PTGFRN: variants seen among roughly 807,000 people sequenced by gnomAD.
PTGFRN encodes prostaglandin F2 receptor inhibitor, also known as prostaglandin F2 receptor negative regulator.
PTGFRN carries 35 observed loss-of-function variants against 83.2 expected under a neutral mutation model. That is an observed-to-expected ratio of 0.42 (90% confidence interval 0.32 to 0.56). The LOEUF (loss-of-function observed/expected upper bound fraction) is 0.56, where lower values mean the gene tolerates loss of function less well. Ranked by LOEUF, PTGFRN falls within the 20% of genes least tolerant of loss-of-function variation. The pLI is 0.11. For synonymous variants in PTGFRN, 519 were observed against 498.6 expected, an observed-to-expected ratio of 1.04 and a Z score of -0.55; for missense variants, 1,051 against 1,179.5, an observed-to-expected ratio of 0.89 and a Z score of 1.60.
intron 2 of PTGFRN, among the ~76,000 whole-genome samples, chr1:116,944,053 TC>T (rs1408342475): frequency 6.6e-6 from 1 of 152,218 alleles, no homozygotes; most frequent in Non-Finnish European, 1.5e-5. Flanking sequence ...CTGGGCCTGT[TC>T]CTATCATGTG....
At position 116,941,985 on chromosome 1, in the gene PTGFRN, A is replaced by G; in HGVS notation, c.320A>G (p.Lys107Arg). The change falls in exon 2 of 9, where the codon AAG (lysine) becomes AGG (arginine). Residue 107 changes from lysine (K) to arginine (R), a missense_variant. Around this residue, in one of 3 missense-constraint regions of PTGFRN, gnomAD observed 127 missense variants for 168.4 expected, o/e 0.75. Transcript: ENST00000393203. The surrounding 1 kb of genome is among the most constrained non-coding windows in gnomAD (Gnocchi z 5.0). ...TANDAVELHI[K>R]NVQPSDQGHY... ...AACGACGCCGTGGAGCTCCACATAA[A>G]GAACGTCCAGCCTTCAGACCAAGGC... 6.2e-7 allele frequency: 1 copy of G among 1,614,218 alleles called. No homozygotes were observed. Among genetic ancestry groups the G allele is most frequent in the Non-Finnish European group, 8.5e-7 (1 of 1,180,044 alleles).
intron 7 of PTGFRN, among the ~76,000 whole-genome samples, chr1:116,982,725 A>T (rs935506085): frequency 1.6e-4 from 25 of 152,188 alleles, no homozygotes; most frequent in African/African-American, 6.0e-4. Flanking sequence ...TGTACTGCAG[A>T]GTAGGCCCAC....
chr1:116,947,256 G>T (rs530392805), intron 3 of PTGFRN, among the ~76,000 whole-genome samples: 3 of 152,312 alleles, frequency 2.0e-5, no homozygotes, highest in Admixed American at 2.0e-4. Context: ...GTGGCAGGGA[G>T]CCTCCTCCCC....
chr1:116,973,582 G>A (rs1220115184), intron 6 of PTGFRN, among the ~76,000 whole-genome samples: 2 of 148,146 alleles, frequency 1.4e-5, no homozygotes, highest in African/African-American at 2.5e-5. Context: ...TCCAGCCTGC[G>A]TGACAGAGCA....
At chr1:116,986,745 C>T in intron 8 of PTGFRN, 56 bp from the exon 9 acceptor site, 1 of 1,565,672 alleles carries the variant, frequency 6.4e-7, no homozygotes, top group South Asian at 1.1e-5. Flanking sequence ...AGGGTGCCCC[C>T]AAAGCGGCCT....
chr1:116,981,166 AC>A (rs1382515840), intron 7 of PTGFRN, among the ~76,000 whole-genome samples: 2 of 152,038 alleles, frequency 1.3e-5, no homozygotes, highest in East Asian at 3.9e-4. Flanking sequence ...TCACTCTTTG[AC>A]CCTTAAGACT....
Position 116,961,755 on chromosome 1 carries a change from G to T in PTGFRN, c.1639+87G>T. 1.3e-5 allele frequency: 16 copies of T among 1,263,616 alleles called. No individual in the cohort carries two copies. The highest frequency in any genetic ancestry group is 1.7e-5 in the Non-Finnish European group (16 of 917,212). The allele number at this position is 1,263,616 out of a possible 1,614,324, so 78.3% of individuals were successfully genotyped here. On this transcript the variant is annotated intron_variant, in intron 5 of 8. Transcript: ENST00000393203. The surrounding 1 kb of genome is among the most constrained non-coding windows in gnomAD (Gnocchi z 5.4). ...TGTTGATGCACAGTCACCCTCTGCA[G>T]GTTATCACTTACACTAGGAATGTGT...
At chr1:116,917,986 T>C (rs916438521) in intron 1 of PTGFRN, among the ~76,000 whole-genome samples, 1 of 152,178 alleles carries the variant, frequency 6.6e-6, no homozygotes, top group Non-Finnish European at 1.5e-5. Flanking sequence ...TCTGTGTTGA[T>C]TGGTGGAATT....
In PTGFRN at chr1:116,918,276, C is replaced by T. The variant is rs546035509; in HGVS notation, c.49+8024C>T. On this transcript the variant is annotated intron_variant, in intron 1 of 8. Transcript: ENST00000393203. The surrounding 1 kb of genome is among the most constrained non-coding windows in gnomAD (Gnocchi z 4.1). ...GAATCCTGTCTTCCCTCAGTGTGAACCTTGGACAGGTTTTCTAACCTCTTT... is the reference window on the plus strand; with the variant it reads ...GAATCCTGTCTTCCCTCAGTGTGAATCTTGGACAGGTTTTCTAACCTCTTT... Among the ~76,000 whole-genome samples, 3 of 152,312 alleles carry T rather than the reference C, an allele frequency of 2.0e-5. No homozygotes were observed. The highest frequency in any genetic ancestry group is 7.2e-5 in the African/African-American group (3 of 41,554).
chr1:116,920,219 A>G (rs1649504958), intron 1 of PTGFRN, among the ~76,000 whole-genome samples: 1 of 152,210 alleles, frequency 6.6e-6, no homozygotes, highest in African/African-American at 2.4e-5. Context: ...CACACTAAGG[A>G]TCTTTCCCTG....
intron 6 of PTGFRN, among the ~76,000 whole-genome samples, chr1:116,973,604 CA>C (rs547665093): frequency 0.2 from 21,425 of 107,004 alleles, 1,895 homozygotes; most frequent in East Asian, 0.38. Context: ...GACTCAATCT[CA>C]AAAAAAAAAA....
At chr1:116,982,694 C>T (rs12404797) in intron 7 of PTGFRN, among the ~76,000 whole-genome samples, 4,773 of 152,228 alleles carry the variant, frequency 0.031, 107 homozygotes, top group Admixed American at 0.05. Context: ...CACCTCCCCA[C>T]GGGGAGTTCT....
chr1:116,967,167 A>G lies in PTGFRN; in HGVS notation c.1896A>G (p.Lys632=). The G allele has an allele frequency of 6.2e-7, 1 of 1,614,194 alleles. No individual in the cohort carries two copies. The highest frequency in any genetic ancestry group is 2.2e-5 in the East Asian group (1 of 44,884). Residue 632 remains lysine, a synonymous_variant, in exon 6 of 9, where the codon AAA becomes AAG. Transcript: ENST00000393203. ...ASRVDGVVLE[K]VQEDEFRYRM... is the part of the protein sequence containing the mutation. ...GGGTGGATGGCGTTGTTTTAGAAAA[A>G]GTGCAGGAGGATGAGTTCCGCTATC...
At chr1:116,929,778 A>G (rs1050253868) in intron 1 of PTGFRN, among the ~76,000 whole-genome samples, 2 of 152,192 alleles carry the variant, frequency 1.3e-5, no homozygotes, top group Non-Finnish European at 2.9e-5. Flanking sequence ...ACTGGTGGCC[A>G]TGTGTCCCCA....
chr1:116,970,963 G>A (rs1341500985), intron 6 of PTGFRN, among the ~76,000 whole-genome samples: 1 of 152,176 alleles, frequency 6.6e-6, no homozygotes, highest in East Asian at 1.9e-4. Flanking sequence ...AAATATGATA[G>A]TGTAGGCTTT....
intron 7 of PTGFRN, among the ~76,000 whole-genome samples, chr1:116,977,545 A>T (rs1651191725): frequency 1.3e-5 from 2 of 152,280 alleles, no homozygotes; most frequent in African/African-American, 4.8e-5. Flanking sequence ...CTGCAATCAG[A>T]CTAGAACTCA....
chr1:116,942,174 C>T (rs754042587), intron 2 of PTGFRN, 91 bp downstream of exon 2: 2 of 1,456,504 alleles, frequency 1.4e-6, no homozygotes, highest in Non-Finnish European at 1.8e-6. Context: ...CTTAATTTCT[C>T]TGAGGCTCTG....
intron 1 of PTGFRN, among the ~76,000 whole-genome samples, chr1:116,938,907 G>C (rs1649986688): frequency 6.6e-6 from 1 of 152,218 alleles, no homozygotes; most frequent in Admixed American, 6.5e-5. Context: ...AGGGGCTACA[G>C]GCCCCATGCA....
At chr1:116,924,389 C>T (rs1649606310) in intron 1 of PTGFRN, among the ~76,000 whole-genome samples, 1 of 151,918 alleles carries the variant, frequency 6.6e-6, no homozygotes, top group African/African-American at 2.4e-5. Context: ...TCGTGATCTA[C>T]CTGCCTCAGC....
Sources: allele counts gnomAD v4.1 joint callset (sites outside exome capture counted in the v4.1 genomes callset), GRCh38; gene constraint gnomAD v4.1.1; regional missense constraint gnomAD v4.1.1; non-coding constraint Gnocchi (gnomAD v3.1); transcripts MANE v1.5; gene names NCBI Gene and HGNC (gene_info 2026-07-23, HGNC 2026-07-21).